Variants in MYO3A observed in about 807,000 individuals in gnomAD.
The protein encoded by MYO3A is myosin-IIIa.
Under a neutral mutation model 192.7 loss-of-function variants are expected in MYO3A, and 180 were observed. The observed-to-expected ratio is 0.93, with a 90% confidence interval of 0.83 to 1.06. The LOEUF (loss-of-function observed/expected upper bound fraction) is 1.06. Among genes scored for constraint, MYO3A ranks in the 50% least tolerant of loss-of-function variants. MYO3A has a pLI of 0.00. For synonymous variants in MYO3A, 628 were observed against 645.3 expected, an observed-to-expected ratio of 0.97 and a Z score of 0.41; for missense variants, 1,896 against 1,905.0, an observed-to-expected ratio of 1.00 and a Z score of 0.09.
chr10:26,173,656 T>C lies in MYO3A; in HGVS notation c.3399-7T>C, dbSNP rs746575439. On this transcript the variant is annotated splice_region_variant and splice_polypyrimidine_tract_variant and intron_variant, in intron 29 of 34. Coordinates refer to ENST00000642920, the MANE Select transcript of MYO3A (RefSeq NM_017433.5). ...CTGTATATTCAAAGATAATATATTTTACACAGGGAATCTTTCGTGAAGAAA... is the reference window on the plus strand; with the variant it reads ...CTGTATATTCAAAGATAATATATTTCACACAGGGAATCTTTCGTGAAGAAA... 6 of 1,610,852 alleles carry C rather than the reference T, an allele frequency of 3.7e-6. No homozygotes were observed. The Admixed American group carries it at 5.0e-5, about 13-fold the overall frequency.
intron 17 of MYO3A, among the ~76,000 whole-genome samples, chr10:26,099,837 A>G (rs1837318313): frequency 6.6e-6 from 1 of 152,178 alleles, no homozygotes; most frequent in Non-Finnish European, 1.5e-5. Context: ...GGATTTTTGC[A>G]TCGATGTTTA....
chr10:26,086,808 C>T (rs1286105750), intron 14 of MYO3A, among the ~76,000 whole-genome samples: 1 of 152,056 alleles, frequency 6.6e-6, no homozygotes, highest in Non-Finnish European at 1.5e-5. Flanking sequence ...TGTAGAGGAG[C>T]TGAACACTTG....
chr10:26,096,707 TC>T (rs1340248811), intron 17 of MYO3A, 25 bp downstream of exon 17: 1 of 1,445,844 alleles, frequency 6.9e-7, no homozygotes. Flanking sequence ...CACTTGAACT[TC>T]TTTAGAAAGT....
intron 10 of MYO3A, among the ~76,000 whole-genome samples, chr10:26,061,754 A>C (rs1235661140): frequency 6.6e-6 from 1 of 152,200 alleles, no homozygotes; most frequent in Non-Finnish European, 1.5e-5. Flanking sequence ...AGAGTGGAAG[A>C]GTGAGGGCAC....
At chr10:25,961,232 A>G (rs1242085837) in intron 4 of MYO3A, among the ~76,000 whole-genome samples, 6 of 152,180 alleles carry the variant, frequency 3.9e-5, no homozygotes, top group Non-Finnish European at 8.8e-5. Flanking sequence ...CTAAATGGCC[A>G]ACAAAATAAG....
intron 31 of MYO3A, among the ~76,000 whole-genome samples, chr10:26,189,572 A>T (rs1843027442): frequency 6.6e-6 from 1 of 152,230 alleles, no homozygotes; most frequent in Non-Finnish European, 1.5e-5. Context: ...ACCTATAAAC[A>T]TCGTCTCTCA....
Position 26,026,496 on chromosome 10 carries a change from G to T in MYO3A, c.917G>T (p.Gly306Val), listed in dbSNP as rs1379931988. 2 of 1,613,976 alleles carry T rather than the reference G, an allele frequency of 1.2e-6. No homozygotes were observed. Among genetic ancestry groups the T allele is most frequent in the Non-Finnish European group, 1.7e-6 (2 of 1,180,002 alleles). ...CAAAAACAACTAACGGAATTCATTG[G>T]CATCCATCAATGCATGGGAGGCACA... Reference protein sequence around the residue: ...MLQKQLTEFIGIHQCMGGTEK... With the variant: ...MLQKQLTEFIVIHQCMGGTEK... The change falls in exon 10 of 35, where the codon GGC (glycine) becomes GTC (valine). Residue 306 changes from glycine (G) to valine (V), a missense_variant. Transcript: ENST00000642920.
At chr10:26,162,616 C>T (rs1164274167) in intron 26 of MYO3A, among the ~76,000 whole-genome samples, 1 of 152,206 alleles carries the variant, frequency 6.6e-6, no homozygotes, top group African/African-American at 2.4e-5. Flanking sequence ...TGGTTTTTTA[C>T]AAGACTTCTT....
At chr10:25,958,995 G>T (rs561106310) in intron 4 of MYO3A, among the ~76,000 whole-genome samples, 12 of 152,098 alleles carry the variant, frequency 7.9e-5, no homozygotes, top group Non-Finnish European at 1.6e-4. Context: ...AGGAATGCTA[G>T]TGATTTTTGT....
chr10:26,130,958 G>T (rs181038829), intron 20 of MYO3A, among the ~76,000 whole-genome samples: 1 of 152,132 alleles, frequency 6.6e-6, no homozygotes, highest in Non-Finnish European at 1.5e-5. Context: ...TTTTTTGGTC[G>T]AATATAATTA....
rs565764757 is a variant in MYO3A, at chr10:26,194,148, A to G, written c.4545+837A>G. 3.3e-5 allele frequency among the ~76,000 whole-genome samples: 5 copies of G among 152,230 alleles called. No individual in the cohort carries two copies. In the South Asian group the frequency reaches 1.0e-3, roughly 32 times the overall value. On this transcript the variant is annotated intron_variant, in intron 32 of 34. Coordinates refer to ENST00000642920, the MANE Select transcript of MYO3A (RefSeq NM_017433.5). Reference sequence around the variant, plus strand: ...GCAATTACCATATTTCAGACTATTAATCATTTCCCACTGTGGAATATTTCA... The same window carrying G: ...GCAATTACCATATTTCAGACTATTAGTCATTTCCCACTGTGGAATATTTCA...
intron 11 of MYO3A, among the ~76,000 whole-genome samples, chr10:26,067,487 G>A (rs1198712077): frequency 6.6e-6 from 1 of 152,228 alleles, no homozygotes; most frequent in Non-Finnish European, 1.5e-5. Context: ...GTGGCCTCCC[G>A]CTTTGTCCTC....
At position 26,153,900 on chromosome 10, in the gene MYO3A, A is replaced by G; in HGVS notation, c.2686A>G (p.Thr896Ala). 1 of 1,595,868 alleles carries G rather than the reference A, an allele frequency of 6.3e-7. No homozygotes were observed. The highest frequency in any genetic ancestry group is 1.1e-5 in the South Asian group (1 of 90,694). Residue 896 changes from threonine (T) to alanine (A), a missense_variant, in exon 24 of 35, where the codon ACT becomes GCT. By Grantham distance (58) the Thr-to-Ala change is moderately conservative (BLOSUM62 0). Transcript: ENST00000642920. Reference sequence around the variant, plus strand: ...AAATGTTATAAACTATCAAATGAGGACTTCAGAAAAATTAATCAACCTGGC... The same window carrying G: ...AAATGTTATAAACTATCAAATGAGGGCTTCAGAAAAATTAATCAACCTGGC... Reference protein sequence around the residue: ...TKNVINYQMRTSEKLINLAKG... With the variant: ...TKNVINYQMRASEKLINLAKG...
chr10:25,963,532 A>AT (rs1454426678), intron 4 of MYO3A, among the ~76,000 whole-genome samples: 1 of 152,194 alleles, frequency 6.6e-6, no homozygotes, highest in Non-Finnish European at 1.5e-5. Flanking sequence ...GCGGACTTGT[A>AT]TATTTGTGAG....
chr10:26,189,418 A>T (rs1367956916), intron 31 of MYO3A, among the ~76,000 whole-genome samples: 1 of 152,366 alleles, frequency 6.6e-6, no homozygotes, highest in East Asian at 1.9e-4. Flanking sequence ...AGTACCATTT[A>T]TGCTCAATGA....
At chr10:26,080,418 C>T (rs891248432) in intron 14 of MYO3A, among the ~76,000 whole-genome samples, 13 of 151,888 alleles carry the variant, frequency 8.6e-5, no homozygotes, top group Non-Finnish European at 4.4e-5. Context: ...TTGAATATTT[C>T]TCCCTTCACT....
At chr10:25,951,988 A>T in intron 2 of MYO3A, 106 bp from the exon 3 acceptor site, 1 of 824,554 alleles carries the variant, frequency 1.2e-6, no homozygotes, top group Non-Finnish European at 1.9e-6. Context: ...GCTGTTGAAT[A>T]TTTTCTATCA....
chr10:25,959,261 A>G (rs925692231), intron 4 of MYO3A, among the ~76,000 whole-genome samples: 2 of 152,252 alleles, frequency 1.3e-5, no homozygotes, highest in East Asian at 3.9e-4. Flanking sequence ...TTACTTATGA[A>G]ATTATCCTAT....
intron 32 of MYO3A, 21 bp downstream of exon 32, chr10:26,193,332 A>G (rs372634029): frequency 2.6e-6 from 4 of 1,563,878 alleles, no homozygotes; most frequent in Non-Finnish European, 3.5e-6. Flanking sequence ...CACTCTTACT[A>G]TCAGATGGGA....
Sources: gnomAD v4.1 joint callset for allele counts (sites outside exome capture counted in the v4.1 genomes callset) on GRCh38, gnomAD v4.1.1 for gene constraint, MANE v1.5 for transcripts, NCBI Gene and HGNC (gene_info 2026-07-23, HGNC 2026-07-21) for gene names.